Variants in AP1B1 observed in about 807,000 individuals in gnomAD.
AP1B1 encodes adaptor related protein complex 1 subunit beta 1.
Under a neutral mutation model 104.3 loss-of-function variants are expected in AP1B1, and 36 were observed. The observed-to-expected ratio is 0.35, with a 90% CI of 0.26 to 0.46. The LOEUF is 0.46. Ranked by LOEUF, AP1B1 falls within the 20% of genes least tolerant of loss-of-function variation. The pLI is 1.00. For synonymous variants in AP1B1, 504 were observed against 517.5 expected (o/e 0.97, Z 0.35); for missense variants, 901 against 1,247.9 (o/e 0.72, Z 4.19).
chr22:29,328,728 C>A lies in AP1B1; in HGVS notation c.*93G>T. On this transcript the variant is annotated 3_prime_UTR_variant, in exon 23 of 23. Coordinates refer to ENST00000357586, the MANE Select transcript of AP1B1 (RefSeq NM_001127.4). This position sits in a 1 kb window ranked among gnomAD's most constrained non-coding sequence, Gnocchi z 4.1. ...GCCCACTGAGTGGCCTGGAGCCCCG[C>A]CTGGTCCCTCCTGCGAGGAGGAAGA... 1 of 1,473,094 alleles carries A rather than the reference C, an allele frequency of 6.8e-7. No individual in the cohort carries two copies. The highest frequency in any genetic ancestry group is 9.1e-7 in the Non-Finnish European group (1 of 1,093,310). 91.3% of individuals were successfully genotyped at this position (1,473,094 alleles called of 1,614,324 possible).
At chr22:29,383,575 G>A (rs918839410) in intron 1 of AP1B1, among the ~76,000 whole-genome samples, 6 of 151,844 alleles carry the variant, frequency 4.0e-5, no homozygotes, top group Non-Finnish European at 7.4e-5. Flanking sequence ...CGGGCGTGGT[G>A]GCGGGCGCCT....
chr22:29,330,781 G>A (rs1246867734), intron 19 of AP1B1, 72 bp from the exon 20 acceptor site: 8 of 1,344,978 alleles, frequency 5.9e-6, no homozygotes, highest in Non-Finnish European at 8.3e-6. Flanking sequence ...AGCTCAGCAG[G>A]AAATGGGTCT....
chr22:29,331,704 C>G (rs1326617531), intron 18 of AP1B1, 83 bp downstream of exon 18: 8 of 1,611,064 alleles, frequency 5.0e-6, no homozygotes, highest in Admixed American at 1.7e-5. Flanking sequence ...CATGACTCCG[C>G]AGACACGACC....
chr22:29,370,945 A>G (rs772804273), intron 1 of AP1B1, among the ~76,000 whole-genome samples: 81 of 152,170 alleles, frequency 5.3e-4, no homozygotes, highest in Non-Finnish European at 1.0e-3. Flanking sequence ...AGAGGGCCCA[A>G]TGGGACTGAT....
Position 29,358,531 on chromosome 22 carries a change from TGAG to T in AP1B1, c.525+192_525+194del, listed in dbSNP as rs2061994400. On this transcript the variant is annotated intron_variant, in intron 5 of 22. Transcript: ENST00000357586. ...CCAGGTTGCGCAGCTAGTCAGAGGG[TGAG>T]GAGAAGGGAATCTAGGTCTAGCTCC... 1.3e-5 allele frequency among the ~76,000 whole-genome samples: 2 copies of T among 151,944 alleles called. 1 individual carries two copies. The highest frequency in any genetic ancestry group is 6.8e-3 in the Middle Eastern group (2 of 294).
In AP1B1 at chr22:29,329,468, A is replaced by G. The variant is rs1321569841; in HGVS notation, c.2775+244T>C. ...AGGGTGCAGTTAGGAAGTGGGAACA[A>G]TGGAGTTCCGCAGGTCAGCAGCAGC... On this transcript the variant is annotated intron_variant, in intron 22 of 22. Coordinates refer to ENST00000357586, the MANE Select transcript of AP1B1 (RefSeq NM_001127.4). The G allele has an allele frequency of 5.1e-6, 7 of 1,384,020 alleles. No individual in the cohort carries two copies. The Admixed American group carries it at 2.3e-4, about 45-fold the overall frequency. The allele number at this position is 1,384,020 out of a possible 1,614,324, so 85.7% of individuals were successfully genotyped here. A position where few individuals can be genotyped will look rare whatever the true frequency, so the allele number is the denominator to read the frequency against.
chr22:29,330,743 G>C (rs775148176), intron 19 of AP1B1, 34 bp from the exon 20 acceptor site: 2 of 1,577,156 alleles, frequency 1.3e-6, no homozygotes, highest in African/African-American at 1.3e-5. Flanking sequence ...TGAGAGGCGA[G>C]CCCCTCATAA....
At chr22:29,359,756 C>T (rs901784087) in intron 4 of AP1B1, 68 bp downstream of exon 4, 27 of 1,553,910 alleles carry the variant, frequency 1.7e-5, no homozygotes, top group Middle Eastern at 1.7e-4. Flanking sequence ...GGCCCCGCCC[C>T]AAAGAGACTG....
At chr22:29,329,362 T>G (rs2061522826) in intron 22 of AP1B1, 1 of 1,213,276 alleles carries the variant, frequency 8.2e-7, no homozygotes, top group South Asian at 2.5e-5. Flanking sequence ...AGACTTTGCC[T>G]CCGCTCTGGG....
At position 29,349,225 on chromosome 22, in the gene AP1B1, C is replaced by G. The variant is rs764604790; in HGVS notation, c.1430G>C (p.Ser477Thr). 6.2e-7 allele frequency: 1 copy of G among 1,612,862 alleles called. No individual in the cohort carries two copies. The change falls in exon 11 of 23, where the codon AGC becomes ACC. Residue 477 changes from serine to threonine, a missense_variant. Physicochemically the swap from Ser to Thr is moderately conservative, Grantham distance 58. Transcript: ENST00000357586. ...GCCAGCTCGCTGGCTCACCTGTGTG[C>G]TCTCGTCATGGAAGCCCTCGAGGAA... The part of the protein sequence containing the change: ...ESFLEGFHDE[S>T]TQVQLQLLTA...
chr22:29,348,087 TGA>T (rs1281910715), intron 11 of AP1B1, among the ~76,000 whole-genome samples: 6 of 152,236 alleles, frequency 3.9e-5, no homozygotes, highest in Non-Finnish European at 8.8e-5. Flanking sequence ...TAAAAATAAA[TGA>T]GAGGGCAGTG....
At chr22:29,368,139 A>T (rs530744691) in intron 1 of AP1B1, among the ~76,000 whole-genome samples, 15 of 152,292 alleles carry the variant, frequency 9.8e-5, no homozygotes, top group Non-Finnish European at 1.8e-4. Flanking sequence ...TCTACTAAAA[A>T]TACAAAAAAT....
chr22:29,330,589 C>T (rs774705980), intron 20 of AP1B1, 34 bp downstream of exon 20: 27 of 1,613,202 alleles, frequency 1.7e-5, no homozygotes, highest in Admixed American at 8.3e-5. Flanking sequence ...TGGGTACAGG[C>T]GAGGGGCTGG....
intron 1 of AP1B1, among the ~76,000 whole-genome samples, chr22:29,384,016 C>T (rs777193397): frequency 2.6e-5 from 4 of 152,168 alleles, no homozygotes; most frequent in African/African-American, 9.7e-5. Flanking sequence ...ACAATCTAAA[C>T]ACAAGGAGTG....
intron 10 of AP1B1, 85 bp downstream of exon 10, chr22:29,349,950 G>A (rs558752790): frequency 4.8e-6 from 5 of 1,045,354 alleles, no homozygotes; most frequent in Admixed American, 1.8e-5. Context: ...GTAAGGAAGA[G>A]GAGATTCCTC....
At chr22:29,361,332 C>G (rs539153414) in intron 3 of AP1B1, among the ~76,000 whole-genome samples, 1 of 152,170 alleles carries the variant, frequency 6.6e-6, no homozygotes, top group African/African-American at 2.4e-5. Context: ...ATCTTGGGAC[C>G]TGGATGGGAG....
intron 9 of AP1B1, among the ~76,000 whole-genome samples, chr22:29,350,416 C>G (rs1196938703): frequency 6.6e-6 from 1 of 152,172 alleles, no homozygotes; most frequent in Non-Finnish European, 1.5e-5. Context: ...TGGAGCTCCT[C>G]TAAGTCAGGA....
In AP1B1 at chr22:29,354,869, A is replaced by T; in HGVS notation, c.719T>A (p.Ile240Asn). 6.2e-7 allele frequency: 1 copy of T among 1,613,872 alleles called. No individual in the cohort carries two copies. The highest frequency in any genetic ancestry group is 1.1e-5 in the South Asian group (1 of 91,066). Residue 240 changes from isoleucine to asparagine, a missense_variant and splice_region_variant, in exon 7 of 23, where the codon ATC becomes AAC. Physicochemically the swap from Ile to Asn is moderately radical, Grantham distance 149. This residue lies in a region of AP1B1 where 471 missense variants were observed against 696.7 expected (regional missense o/e 0.68). Transcript: ENST00000357586. ...MPKDDREAQS[I>N]CERVTPRLSH... The stretch of plus-strand genomic sequence containing the variant: ...GAGCCTGGGGGTGACCCGCTCACAG[A>T]TGCTGGGGTCCGTCCATTCCAACGG...
intron 5 of AP1B1, among the ~76,000 whole-genome samples, chr22:29,357,265 G>C (rs536463627): frequency 6.6e-6 from 1 of 151,366 alleles, no homozygotes; most frequent in Non-Finnish European, 1.5e-5. Flanking sequence ...ATGGGGTTTC[G>C]CCATGTTGGC....
Sources: allele counts gnomAD v4.1 joint callset (sites outside exome capture counted in the v4.1 genomes callset), GRCh38; gene constraint gnomAD v4.1.1; regional missense constraint gnomAD v4.1.1; non-coding constraint Gnocchi (gnomAD v3.1); transcripts MANE v1.5; gene names NCBI Gene and HGNC (gene_info 2026-07-23, HGNC 2026-07-21).